Variants in SH3PXD2A observed in about 807,000 individuals in gnomAD.
The protein encoded by SH3PXD2A is SH3 and PX domain-containing protein 2A.
SH3PXD2A carries 32 observed loss-of-function variants against 115.2 expected under a neutral mutation model. The ratio of observed to expected loss-of-function variants is 0.28; its 90% confidence interval spans 0.21 to 0.37. The LOEUF (loss-of-function observed/expected upper bound fraction) is 0.37. Ranked by LOEUF, SH3PXD2A falls within the 10% of genes least tolerant of loss-of-function variation. The pLI is 1.00. For missense variants in SH3PXD2A, 1,328 were observed against 1,498.7 expected (o/e 0.89, Z 1.88); for synonymous variants, 610 against 629.1 (o/e 0.97, Z 0.45).
intron 3 of SH3PXD2A, among the ~76,000 whole-genome samples, chr10:103,758,502 C>A (rs1444630177): frequency 6.6e-6 from 1 of 152,256 alleles, no homozygotes; most frequent in Non-Finnish European, 1.5e-5. Context: ...GGAAGGTAAA[C>A]TTCCTGAGAA....
intron 8 of SH3PXD2A, among the ~76,000 whole-genome samples, chr10:103,659,405 T>A (rs909485145): frequency 6.6e-6 from 1 of 152,328 alleles, no homozygotes; most frequent in Middle Eastern, 3.4e-3. Context: ...CCTTTCCTGA[T>A]GCAAGCTCTA....
intron 11 of SH3PXD2A, among the ~76,000 whole-genome samples, chr10:103,615,326 A>T (rs1592263681): frequency 6.6e-6 from 1 of 152,218 alleles, no homozygotes; most frequent in African/African-American, 2.4e-5. Context: ...TCAGCACTAC[A>T]TGGGTAAAAT....
chr10:103,850,143 C>T (rs1842883743), intron 1 of SH3PXD2A, among the ~76,000 whole-genome samples: 1 of 152,192 alleles, frequency 6.6e-6, no homozygotes, highest in Admixed American at 6.5e-5. Flanking sequence ...CCCGGAATAT[C>T]TCTTTGGAAA....
intron 6 of SH3PXD2A, among the ~76,000 whole-genome samples, chr10:103,670,333 T>A (rs1475314887): frequency 1.3e-5 from 2 of 152,162 alleles, no homozygotes; most frequent in Admixed American, 6.5e-5. Context: ...AAAATCTGGA[T>A]GATGTGATAT....
At chr10:103,811,110 G>T (rs1427589961) in intron 1 of SH3PXD2A, among the ~76,000 whole-genome samples, 1 of 152,176 alleles carries the variant, frequency 6.6e-6, no homozygotes, top group Non-Finnish European at 1.5e-5. Flanking sequence ...AAGGATGAAC[G>T]TGCTGCGGTT....
chr10:103,660,838 GA>G, intron 8 of SH3PXD2A, 144 bp downstream of exon 8: 1 of 873,396 alleles, frequency 1.1e-6, no homozygotes, highest in Non-Finnish European at 1.8e-6. Context: ...CCAACAGGGG[GA>G]AACTTCAGCC....
intron 7 of SH3PXD2A, among the ~76,000 whole-genome samples, chr10:103,668,274 C>T (rs1055833324): frequency 6.6e-6 from 1 of 152,278 alleles, no homozygotes; most frequent in Non-Finnish European, 1.5e-5. Context: ...AGGCTCCCCA[C>T]GAGGTGGGAT....
chr10:103,635,945 AAGGGAGGATGT>A (rs1194094540), intron 8 of SH3PXD2A, among the ~76,000 whole-genome samples: 5 of 152,212 alleles, frequency 3.3e-5, no homozygotes, highest in African/African-American at 1.2e-4. Context: ...CAGGGCAGGG[AAGGGAGGATGT>A]CCCAGCCCCG....
Position 103,605,859 on chromosome 10 carries a change from A to G in SH3PXD2A, c.1367T>C (p.Ile456Thr). 2.5e-6 allele frequency: 4 copies of G among 1,612,122 alleles called. No homozygotes were observed. Among genetic ancestry groups the G allele is most frequent in the South Asian group, 2.2e-5 (2 of 91,052 alleles). The change falls in exon 14 of 15, where the codon ATT becomes ACT. Residue 456 changes from isoleucine to threonine, a missense_variant. Physicochemically the swap from Ile to Thr is moderately conservative, Grantham distance 89. This residue lies in a region of SH3PXD2A where 509 missense variants were observed against 628.3 expected (regional missense o/e 0.81). Coordinates refer to ENST00000369774, the MANE Select transcript of SH3PXD2A (RefSeq NM_001394015.1). ...PPSVEVEYYT[I>T]AEFQSCISDG... ...GGAAATGCACGACTGGAATTCGGCAATGGTGTAGTACTCCACCTCAACAGA... is the reference window on the plus strand; with the variant it reads ...GGAAATGCACGACTGGAATTCGGCAGTGGTGTAGTACTCCACCTCAACAGA...
chr10:103,671,768 G>A (rs558282989), intron 6 of SH3PXD2A, among the ~76,000 whole-genome samples: 3 of 152,128 alleles, frequency 2.0e-5, no homozygotes, highest in Non-Finnish European at 2.9e-5. Flanking sequence ...AAGGAGCAGT[G>A]GGGGGGAGGC....
intron 2 of SH3PXD2A, among the ~76,000 whole-genome samples, chr10:103,796,691 C>T (rs1301072580): frequency 6.6e-6 from 1 of 152,132 alleles, no homozygotes; most frequent in Non-Finnish European, 1.5e-5. Flanking sequence ...CCGGAGCCAG[C>T]CTGGACTCTC....
chr10:103,662,691 G>A lies in SH3PXD2A; in HGVS notation c.473-1577C>T, dbSNP rs545657774. 2.1e-4 allele frequency among the ~76,000 whole-genome samples: 32 copies of A among 152,162 alleles called. 1 individual carries two copies. Among genetic ancestry groups the A allele is most frequent in the Admixed American group, 2.0e-3 (30 of 15,292 alleles). On this transcript the variant is annotated intron_variant, in intron 7 of 14. Transcript: ENST00000369774. ...TGGGATTACAGGCGTGAGCCACCGCGCCCGGCCTATGATGTGCTTTTAGCT... is the reference window on the plus strand; with the variant it reads ...TGGGATTACAGGCGTGAGCCACCGCACCCGGCCTATGATGTGCTTTTAGCT...
At chr10:103,703,233 T>C (rs955989211) in intron 5 of SH3PXD2A, among the ~76,000 whole-genome samples, 10 of 152,312 alleles carry the variant, frequency 6.6e-5, no homozygotes, top group Middle Eastern at 3.4e-3. Context: ...GCCCGGGTGA[T>C]CGCCTCTTAC....
chr10:103,797,432 CT>C (rs2039102964), intron 2 of SH3PXD2A, among the ~76,000 whole-genome samples: 1 of 152,096 alleles, frequency 6.6e-6, no homozygotes, highest in Non-Finnish European at 1.5e-5. Flanking sequence ...AACCCTCTGA[CT>C]TTCCCCATTT....
intron 1 of SH3PXD2A, among the ~76,000 whole-genome samples, chr10:103,838,958 C>T (rs2039570854): frequency 6.6e-6 from 1 of 152,286 alleles, no homozygotes. Context: ...AATGAGCTGG[C>T]CCCAGCTGCC....
Position 103,598,051 on chromosome 10 carries a change from G to A in SH3PXD2A, c.*3765C>T, listed in dbSNP as rs1044916117. 2.0e-5 allele frequency: 3 copies of A among 152,624 alleles called. No individual in the cohort carries two copies. The highest frequency in any genetic ancestry group is 7.2e-5 in the African/African-American group (3 of 41,452). The allele number at this position is 152,624 out of a possible 1,614,324, so 9.5% of individuals were successfully genotyped here. On this transcript the variant is annotated 3_prime_UTR_variant, in exon 15 of 15. Transcript: ENST00000369774. ...AAAAGTAGTAACATGCCTTGCTGAG[G>A]AAAGCAATGGATATAAATGCCTGTA...
Position 103,709,109 on chromosome 10 carries a change from G to T in SH3PXD2A, c.398+15161C>A, listed in dbSNP as rs534354438. Among the ~76,000 whole-genome samples the T allele has an allele frequency of 7.9e-5, 12 of 152,104 alleles. No homozygotes were observed. The South Asian group carries it at 2.5e-3, about 32-fold the overall frequency. On this transcript the variant is annotated intron_variant, in intron 5 of 14. Coordinates refer to ENST00000369774, the MANE Select transcript of SH3PXD2A (RefSeq NM_001394015.1). ...GCTCCTGCCTCTGAGCCATTCAGAGGAGCCAGTCCCTTCTCCCTGTCCATC... is the reference window on the plus strand; with the variant it reads ...GCTCCTGCCTCTGAGCCATTCAGAGTAGCCAGTCCCTTCTCCCTGTCCATC...
intron 8 of SH3PXD2A, among the ~76,000 whole-genome samples, chr10:103,660,191 C>T (rs2037270732): frequency 6.6e-6 from 1 of 152,204 alleles, no homozygotes; most frequent in Non-Finnish European, 1.5e-5. Flanking sequence ...AGGCTGTGGG[C>T]TGATGGATGT....
intron 2 of SH3PXD2A, among the ~76,000 whole-genome samples, chr10:103,798,889 G>C (rs1047425490): frequency 6.6e-6 from 1 of 152,174 alleles, no homozygotes; most frequent in Non-Finnish European, 1.5e-5. Context: ...ATCAGTGAGT[G>C]GGTCTCCAGC....
Sources: allele counts gnomAD v4.1 joint callset (sites outside exome capture counted in the v4.1 genomes callset), GRCh38; gene constraint gnomAD v4.1.1; regional missense constraint gnomAD v4.1.1; transcripts MANE v1.5; gene names NCBI Gene and HGNC (gene_info 2026-07-23, HGNC 2026-07-21).